Variants in WDR4 observed in about 807,000 individuals in gnomAD.
WDR4 encodes the protein WDR4 tRNA N7-guanosine methyltransferase non-catalytic subunit, also known as tRNA (guanine-N(7)-)-methyltransferase non-catalytic subunit WDR4.
In WDR4, 47 loss-of-function variants were observed where a neutral mutation model predicts 48.6. That is an observed-to-expected ratio of 0.97 (90% CI 0.77 to 1.23). WDR4 has a LOEUF of 1.23. Ranked by LOEUF, WDR4 falls within the 50% of genes most tolerant of loss-of-function variation. The pLI is 0.00. For missense variants in WDR4, 606 were observed against 551.6 expected, an observed-to-expected ratio of 1.10 and a Z score of -0.99; for synonymous variants, 268 against 230.0, an observed-to-expected ratio of 1.17 and a Z score of -1.49.
rs202195119 is a variant in WDR4, at chr21:42,862,749, GGTTGCCTTC to G, written c.454-364_454-356del. Among the ~76,000 whole-genome samples, 1 of 102,082 alleles carries G rather than the reference GGTTGCCTTC, an allele frequency of 9.8e-6. No individual in the cohort carries two copies. Among genetic ancestry groups the G allele is most frequent in the African/African-American group, 4.9e-5 (1 of 20,540 alleles). The allele number at this position is 102,082 out of a possible 152,430, so 67.0% of individuals were successfully genotyped here. The stretch of plus-strand genomic sequence containing the variant: ...TGCTGCACCCTCCTGCCCAACACTG[GGTTGCCTTC>G]CTTGCCTTCCTGTCACACATGTCCC... On this transcript the variant is annotated intron_variant, in intron 4 of 10. Coordinates refer to ENST00000398208, the MANE Select transcript of WDR4 (RefSeq NM_018669.6). The surrounding 1 kb of genome is among the most constrained non-coding windows in gnomAD (Gnocchi z 4.3).
At chr21:42,866,946 T>C (rs969388775) in intron 3 of WDR4, among the ~76,000 whole-genome samples, 1 of 152,176 alleles carries the variant, frequency 6.6e-6, no homozygotes, top group Non-Finnish European at 1.5e-5. Context: ...AGGCGTGCCC[T>C]ACACCAAGGT....
chr21:42,873,673 G>C lies in WDR4; in HGVS notation c.174C>G (p.Asp58Glu). Residue 58 changes from aspartate to glutamate, a missense_variant, in exon 3 of 11, where the codon GAC becomes GAG. Physicochemically the swap from Asp to Glu is conservative, Grantham distance 45 (BLOSUM62 2). Coordinates refer to ENST00000398208, the MANE Select transcript of WDR4 (RefSeq NM_018669.6). ...ACGCCAGAATCGCACCGCTCCCCTG[G>C]TCCAAGGGCGCGTCCTCCCTGAGGA... ...QENKGEDAPL[D>E]QGSGAILAST... 2 of 1,614,026 alleles carry C rather than the reference G, an allele frequency of 1.2e-6. No individual in the cohort carries two copies. The highest frequency in any genetic ancestry group is 1.7e-6 in the Non-Finnish European group (2 of 1,179,966).
chr21:42,886,713 C>T, the WDR4 span: 3 of 152,212 alleles, frequency 2.0e-5, no homozygotes, highest in African/African-American at 7.2e-5. Context: ...CATTTGTTTA[C>T]ATTTCTTTTT....
intron 3 of WDR4, among the ~76,000 whole-genome samples, chr21:42,865,199 C>T (rs1047357806): frequency 5.3e-5 from 8 of 152,326 alleles, no homozygotes; most frequent in East Asian, 3.9e-4. Context: ...GGAAGTATAA[C>T]GGGGTAAACA....
At chr21:42,851,923 G>T (rs894047139) in intron 10 of WDR4, among the ~76,000 whole-genome samples, 3 of 152,234 alleles carry the variant, frequency 2.0e-5, no homozygotes, top group African/African-American at 7.2e-5. Context: ...GACCAGGCAT[G>T]AGGCAGCACA....
upstream of WDR4, chr21:42,879,596 TA>T (rs113414212): frequency 5.1e-4 from 710 of 1,392,746 alleles, 4 homozygotes; most frequent in African/African-American, 8.8e-3. Context: ...AGATGACGTA[TA>T]CCCCACGTAC....
At chr21:42,875,325 G>A (rs777266390) in intron 2 of WDR4, among the ~76,000 whole-genome samples, 6 of 152,118 alleles carry the variant, frequency 3.9e-5, no homozygotes, top group Admixed American at 6.6e-5. Context: ...GCCAAGGCAG[G>A]TGGATCACGA....
downstream of WDR4, among the ~76,000 whole-genome samples, chr21:42,845,411 G>A (rs1046412534): frequency 7.9e-5 from 12 of 152,342 alleles, no homozygotes; most frequent in South Asian, 2.1e-4. Context: ...GGGCCCTCGC[G>A]GCTGGTCAGC....
In WDR4 at chr21:42,849,921, G is replaced by A. The variant is rs1221120403; in HGVS notation, c.*128C>T. On this transcript the variant is annotated 3_prime_UTR_variant, in exon 11 of 11. Coordinates refer to ENST00000398208, the MANE Select transcript of WDR4 (RefSeq NM_018669.6). ...TGTTCTTTCTAGAGCCCAGGGGACA[G>A]CCCCATCCTCTGAGCTGGTCACAAC... is the stretch of plus-strand genomic sequence containing the variant. 41 of 1,156,554 alleles carry A rather than the reference G, an allele frequency of 3.5e-5. 1 individual carries two copies. Among genetic ancestry groups the A allele is most frequent in the Non-Finnish European group, 4.9e-5 (40 of 810,034 alleles). 71.6% of individuals were successfully genotyped at this position (1,156,554 alleles called of 1,614,324 possible). A position where few individuals can be genotyped will look rare whatever the true frequency, so the allele number is the denominator to read the frequency against.
At chr21:42,878,627 G>T (rs563778536) in intron 1 of WDR4, among the ~76,000 whole-genome samples, 1 of 152,230 alleles carries the variant, frequency 6.6e-6, no homozygotes, top group African/African-American at 2.4e-5. Flanking sequence ...GGAAACGAGG[G>T]GCTGAAACTG....
At chr21:42,847,890 T>C (rs1279546021), downstream of WDR4, among the ~76,000 whole-genome samples, 1 of 152,178 alleles carries the variant, frequency 6.6e-6, no homozygotes, top group Admixed American at 6.5e-5. Flanking sequence ...AAACCAAGAC[T>C]TTCAAAGCAG....
chr21:42,879,308 G>C (rs1365741084), intron 1 of WDR4, 99 bp downstream of exon 1: 3 of 1,537,732 alleles, frequency 2.0e-6, no homozygotes, highest in Non-Finnish European at 2.6e-6. Context: ...GGTCACCCCA[G>C]AGTGGGTGCG....
At chr21:42,873,743 G>C in intron 2 of WDR4, 52 bp from the exon 3 acceptor site, 1 of 1,584,966 alleles carries the variant, frequency 6.3e-7, no homozygotes, top group Non-Finnish European at 8.6e-7. Context: ...AAATAAGGCT[G>C]CATTCCTTGT....
At chr21:42,848,468 C>T (rs1162402072), downstream of WDR4, among the ~76,000 whole-genome samples, 14 of 80,860 alleles carry the variant, frequency 1.7e-4, no homozygotes, top group Non-Finnish European at 3.1e-4. Context: ...CGCACGATCA[C>T]GCGGCGCACA....
the WDR4 span, among the ~76,000 whole-genome samples, chr21:42,888,171 C>A: frequency 6.6e-6 from 1 of 152,042 alleles, no homozygotes; most frequent in Non-Finnish European, 1.5e-5. Flanking sequence ...TATAAGTGGA[C>A]CCACATAGCT....
chr21:42,878,984 C>T, intron 1 of WDR4: 1 of 1,002,796 alleles, frequency 1.0e-6, no homozygotes. Context: ...AAGCCCCTCC[C>T]TTCTCACCAG....
intron 6 of WDR4, among the ~76,000 whole-genome samples, chr21:42,857,578 A>G (rs1250247861): frequency 1.3e-5 from 2 of 152,342 alleles, no homozygotes; most frequent in East Asian, 1.9e-4. Context: ...TGAAGAAAGA[A>G]AAGTCCACGC....
chr21:42,844,618 G>C (rs1159336188), downstream of WDR4, among the ~76,000 whole-genome samples: 1 of 152,204 alleles, frequency 6.6e-6, no homozygotes, highest in African/African-American at 2.4e-5. Flanking sequence ...CCTGAGTGGG[G>C]CTATGATGTG....
In WDR4 at chr21:42,850,351, C is replaced by T. The variant is rs1262702162; in HGVS notation, c.1046-109G>A. ...GTTACCTCGTGACTCCCAGAGTCCT[C>T]GGTGGACCGTGGGGGGCGCCTTCTG... On this transcript the variant is annotated intron_variant, in intron 10 of 10. Coordinates refer to ENST00000398208, the MANE Select transcript of WDR4 (RefSeq NM_018669.6). The T allele has an allele frequency of 2.1e-5, 22 of 1,041,540 alleles. No homozygotes were observed. The South Asian group carries it at 2.5e-4, about 12-fold the overall frequency. 64.5% of individuals were successfully genotyped at this position (1,041,540 alleles called of 1,614,324 possible). A position where few individuals can be genotyped will look rare whatever the true frequency, so the allele number is the denominator to read the frequency against.
Sources: allele counts gnomAD v4.1 joint callset (sites outside exome capture counted in the v4.1 genomes callset), GRCh38; gene constraint gnomAD v4.1.1; non-coding constraint Gnocchi (gnomAD v3.1); transcripts MANE v1.5; gene names NCBI Gene and HGNC (gene_info 2026-07-23, HGNC 2026-07-21).